Variants in LRRC4C observed in about 807,000 individuals in gnomAD.
The protein encoded by LRRC4C is leucine rich repeat containing 4C.
Under a neutral mutation model 33.6 loss-of-function variants are expected in LRRC4C, and 5 were observed. The observed-to-expected ratio is 0.15, with a 90% confidence interval of 0.08 to 0.31. The LOEUF (loss-of-function observed/expected upper bound fraction) is 0.31, where lower values mean the gene tolerates loss of function less well. Among genes scored for constraint, LRRC4C ranks in the 10% least tolerant of loss-of-function variants. The probability of loss-of-function intolerance (pLI) is 1.00; values close to 1 mark genes in which losing one functional copy is unlikely to be tolerated. For missense variants in LRRC4C, 560 were observed against 796.7 expected (o/e 0.70, Z 3.58); for synonymous variants, 329 against 302.0 (o/e 1.09, Z -0.93).
chr11:40,550,716 T>C (rs536580899), intron 3 of LRRC4C, among the ~76,000 whole-genome samples: 1 of 152,154 alleles, frequency 6.6e-6, no homozygotes, highest in African/African-American at 2.4e-5. Context: ...CAGAGGCTCA[T>C]TGGTGTTGCC....
intron 2 of LRRC4C, among the ~76,000 whole-genome samples, chr11:40,766,649 C>G (rs1481755025): frequency 6.6e-6 from 1 of 152,020 alleles, no homozygotes; most frequent in African/African-American, 2.4e-5. Flanking sequence ...TTAGATTTCT[C>G]TTTGACACAT....
chr11:40,351,430 C>G (rs554346842), intron 3 of LRRC4C: 1 of 152,140 alleles, frequency 6.6e-6, no homozygotes, highest in Admixed American at 6.5e-5. Flanking sequence ...GTCTATAGTG[C>G]AGATTAAGTC....
At chr11:40,705,501 C>A (rs1946113069) in intron 2 of LRRC4C, among the ~76,000 whole-genome samples, 1 of 140,536 alleles carries the variant, frequency 7.1e-6, no homozygotes, top group Non-Finnish European at 1.6e-5. Context: ...ATGATGGTTT[C>A]CAGCTTCATC....
At chr11:41,070,318 A>G (rs764149610) in intron 1 of LRRC4C, among the ~76,000 whole-genome samples, 3 of 152,194 alleles carry the variant, frequency 2.0e-5, no homozygotes, top group Non-Finnish European at 2.9e-5. Context: ...AAAACCCTAG[A>G]AGAAAACTGA....
At chr11:40,489,478 C>T (rs1330516882) in intron 3 of LRRC4C, among the ~76,000 whole-genome samples, 1 of 151,994 alleles carries the variant, frequency 6.6e-6, no homozygotes, top group Admixed American at 6.6e-5. Flanking sequence ...CACATGACTC[C>T]AAAAGATACT....
At chr11:41,401,238 T>C (rs980500986) in intron 1 of LRRC4C, among the ~76,000 whole-genome samples, 1 of 151,920 alleles carries the variant, frequency 6.6e-6, no homozygotes, top group African/African-American at 2.4e-5. Flanking sequence ...AAATGAAAAG[T>C]AAACAACAAT....
chr11:40,865,399 T>C (rs1954307029), intron 2 of LRRC4C, among the ~76,000 whole-genome samples: 1 of 152,016 alleles, frequency 6.6e-6, no homozygotes. Flanking sequence ...AATGACAATA[T>C]ATTTGTTCTT....
At chr11:41,065,560 T>C (rs1938168794) in intron 1 of LRRC4C, among the ~76,000 whole-genome samples, 1 of 152,160 alleles carries the variant, frequency 6.6e-6, no homozygotes, top group Non-Finnish European at 1.5e-5. Flanking sequence ...GCGCACCAGC[T>C]CTGCTAAGGG....
intron 4 of LRRC4C, among the ~76,000 whole-genome samples, chr11:40,301,888 G>C (rs1314427483): frequency 6.6e-6 from 1 of 152,226 alleles, no homozygotes; most frequent in East Asian, 1.9e-4. Flanking sequence ...ACTCTCTAAG[G>C]GTTGCTGTAG....
chr11:40,256,489 C>T, intron 4 of LRRC4C, among the ~76,000 whole-genome samples: 1 of 152,094 alleles, frequency 6.6e-6, no homozygotes, highest in South Asian at 2.1e-4. Flanking sequence ...CTTCTGTAAC[C>T]TTAACACATC....
chr11:41,181,301 G>A (rs376711928), intron 1 of LRRC4C, among the ~76,000 whole-genome samples: 12 of 152,038 alleles, frequency 7.9e-5, no homozygotes, highest in African/African-American at 1.9e-4. Flanking sequence ...TATAAACACC[G>A]AATCTGGAGG....
At chr11:41,108,851 C>T (rs564976983) in intron 1 of LRRC4C, among the ~76,000 whole-genome samples, 4 of 151,950 alleles carry the variant, frequency 2.6e-5, no homozygotes, top group Non-Finnish European at 5.9e-5. Context: ...AACAACCTAC[C>T]AAGAATTAGA....
intron 5 of LRRC4C, among the ~76,000 whole-genome samples, chr11:40,224,196 G>C (rs1299199527): frequency 6.6e-6 from 1 of 152,124 alleles, no homozygotes; most frequent in Non-Finnish European, 1.5e-5. Context: ...TTCTATAGAG[G>C]CTGTCAAATA....
intron 1 of LRRC4C, among the ~76,000 whole-genome samples, chr11:41,299,852 T>A (rs1031735688): frequency 1.3e-5 from 2 of 152,136 alleles, no homozygotes; most frequent in Admixed American, 1.3e-4. Context: ...TGAGAGGCTA[T>A]TGTCTAGAAG....
At chr11:41,209,075 GAA>G (rs74260780) in intron 1 of LRRC4C, among the ~76,000 whole-genome samples, 2 of 129,596 alleles carry the variant, frequency 1.5e-5, no homozygotes, top group Non-Finnish European at 1.7e-5. Context: ...GGTTCAGAAA[GAA>G]AAAAAAAAAA....
intron 3 of LRRC4C, among the ~76,000 whole-genome samples, chr11:40,335,518 G>A (rs964022384): frequency 3.3e-5 from 5 of 152,156 alleles, no homozygotes; most frequent in South Asian, 2.1e-4. Context: ...TATTTACTTC[G>A]CTAGAGCATG....
At chr11:41,200,469 C>A (rs1221852470) in intron 1 of LRRC4C, among the ~76,000 whole-genome samples, 1 of 152,090 alleles carries the variant, frequency 6.6e-6, no homozygotes, top group African/African-American at 2.4e-5. Flanking sequence ...GAGGTTCAGG[C>A]AGAGACTTGT....
At position 40,660,682 on chromosome 11, in the gene LRRC4C, C is replaced by T. The variant is rs10837464; in HGVS notation, c.-406-12404G>A. 4.4e-3 allele frequency among the ~76,000 whole-genome samples: 665 copies of T among 152,088 alleles called. 6 individuals are homozygous for T. Among genetic ancestry groups the T allele is most frequent in the African/African-American group, 0.015 (639 of 41,494 alleles). On this transcript the variant is annotated intron_variant, in intron 2 of 6. Transcript: ENST00000528697. ...TCTTAGAGTCCAGCAGGCACTGACA[C>T]CCCCACAGGACTCAAGCTCCAGTAT... is the stretch of plus-strand genomic sequence containing the variant.
At chr11:40,250,596 C>G (rs1866711429) in intron 4 of LRRC4C, among the ~76,000 whole-genome samples, 1 of 151,888 alleles carries the variant, frequency 6.6e-6, no homozygotes, top group Non-Finnish European at 1.5e-5. Flanking sequence ...AAAAATTAGC[C>G]AGGCATGGTG....
Sources: allele counts gnomAD v4.1 joint callset (sites outside exome capture counted in the v4.1 genomes callset), GRCh38; gene constraint gnomAD v4.1.1; transcripts MANE v1.5; gene names NCBI Gene and HGNC (gene_info 2026-07-23, HGNC 2026-07-21).